Variants in CPNE4 observed in about 807,000 individuals in gnomAD.
The protein encoded by CPNE4 is copine 4.
Under a neutral mutation model 67.9 loss-of-function variants are expected in CPNE4, and 25 were observed. The observed-to-expected ratio is 0.37, with a 90% CI of 0.27 to 0.51. The LOEUF is 0.51. CPNE4 is among the 20% of genes least tolerant of loss of function. The probability of loss-of-function intolerance (pLI) is 0.93; values close to 1 mark genes in which losing one functional copy is unlikely to be tolerated. For missense variants in CPNE4, 464 were observed against 690.8 expected (o/e 0.67, Z 3.68); for synonymous variants, 242 against 244.9 (o/e 0.99, Z 0.11).
At chr3:131,789,072 A>G (rs2083644417) in intron 2 of CPNE4, among the ~76,000 whole-genome samples, 1 of 151,644 alleles carries the variant, frequency 6.6e-6, no homozygotes, top group African/African-American at 2.4e-5. Context: ...AGACTTTTAC[A>G]TAAGAGGCTA....
chr3:131,733,082 C>T lies in CPNE4; in HGVS notation c.181-9457G>A, dbSNP rs527635292. Among the ~76,000 whole-genome samples the T allele has an allele frequency of 4.6e-4, 70 of 152,342 alleles. 1 individual carries two copies. The South Asian group carries it at 9.5e-3, about 21-fold the overall frequency. On this transcript the variant is annotated intron_variant, in intron 2 of 15. Coordinates refer to ENST00000429747, the MANE Select transcript of CPNE4 (RefSeq NM_130808.3). Reference sequence around the variant, plus strand: ...ATATATTATGACTTACTGTTTTACACATGAGGAAACTTAGAACCAAAAAGG... The same window carrying T: ...ATATATTATGACTTACTGTTTTACATATGAGGAAACTTAGAACCAAAAAGG...
Position 132,034,743 on chromosome 3 carries a change from A to G in CPNE4, c.-178T>C. The G allele has an allele frequency of 1.0e-6, 1 of 984,866 alleles. No individual in the cohort carries two copies. Among genetic ancestry groups the G allele is most frequent in the Non-Finnish European group, 1.2e-6 (1 of 829,976 alleles). 61.0% of individuals were successfully genotyped at this position (984,866 alleles called of 1,614,324 possible). A position where few individuals can be genotyped will look rare whatever the true frequency, so the allele number is the denominator to read the frequency against. On this transcript the variant is annotated 5_prime_UTR_variant, in exon 1 of 16. Coordinates refer to ENST00000429747, the MANE Select transcript of CPNE4 (RefSeq NM_130808.3). The stretch of plus-strand genomic sequence containing the variant: ...CGTCCTCCGAGGTCAGTTTAGCAAC[A>G]GCGGCTGGGAAAGGTGCTGAGAGCA...
At chr3:131,630,303 G>A (rs1582922104) in intron 7 of CPNE4, among the ~76,000 whole-genome samples, 1 of 152,214 alleles carries the variant, frequency 6.6e-6, no homozygotes, top group Non-Finnish European at 1.5e-5. Context: ...CAAAGGGCAT[G>A]AGTAGTAATG....
At chr3:131,740,639 G>C (rs912033970) in intron 2 of CPNE4, among the ~76,000 whole-genome samples, 2 of 152,042 alleles carry the variant, frequency 1.3e-5, no homozygotes, top group East Asian at 1.9e-4. Context: ...GGATTATTAG[G>C]ATACTGTCTT....
rs58502463 is a variant in CPNE4, at chr3:131,792,925, G to GTGTGTATATCTATA, written c.181-69301_181-69300insTATAGATATACACA. ...TGTGTGTGTGTGTGTGTGTGTGTGT[G>GTGTGTATATCTATA]TATCTCCAACAAAACATGCCAAAAC... is the stretch of plus-strand genomic sequence containing the variant. On this transcript the variant is annotated intron_variant, in intron 2 of 15. Coordinates refer to ENST00000429747, the MANE Select transcript of CPNE4 (RefSeq NM_130808.3). Among the ~76,000 whole-genome samples, 287 of 135,226 alleles carry GTGTGTATATCTATA rather than the reference G, an allele frequency of 2.1e-3. 4 individuals carry two copies. The highest frequency in any genetic ancestry group is 7.1e-3 in the African/African-American group (249 of 34,988). 88.7% of individuals were successfully genotyped at this position (135,226 alleles called of 152,430 possible).
At chr3:131,598,850 C>CT (rs1214955366) in intron 7 of CPNE4, among the ~76,000 whole-genome samples, 2 of 100,174 alleles carry the variant, frequency 2.0e-5, no homozygotes, top group African/African-American at 1.5e-4. Context: ...TGTCCCCCCA[C>CT]CCCCCCGCCA....
intron 2 of CPNE4, among the ~76,000 whole-genome samples, chr3:131,726,989 G>A (rs534044075): frequency 9.2e-5 from 14 of 152,156 alleles, no homozygotes; most frequent in Non-Finnish European, 1.3e-4. Flanking sequence ...CCCTAATCGT[G>A]ATGACTGATA....
intron 1 of CPNE4, among the ~76,000 whole-genome samples, chr3:131,918,675 T>C (rs1264626234): frequency 6.6e-6 from 1 of 152,204 alleles, no homozygotes; most frequent in East Asian, 1.9e-4. Context: ...TGCTAATAGA[T>C]AATCTTAAAA....
At chr3:131,557,158 T>C (rs954875465) in intron 11 of CPNE4, among the ~76,000 whole-genome samples, 1 of 152,142 alleles carries the variant, frequency 6.6e-6, no homozygotes, top group Non-Finnish European at 1.5e-5. Flanking sequence ...TTTAATCGAA[T>C]AGTTGTGCTG....
At chr3:131,744,949 C>CA (rs1030362738) in intron 2 of CPNE4, among the ~76,000 whole-genome samples, 4 of 152,126 alleles carry the variant, frequency 2.6e-5, no homozygotes, top group African/African-American at 9.7e-5. Context: ...GATAAACGCC[C>CA]AAGTGTGCAA....
intron 2 of CPNE4, among the ~76,000 whole-genome samples, chr3:131,792,676 T>TAC: frequency 1.4e-5 from 1 of 71,334 alleles, no homozygotes; most frequent in Admixed American, 1.8e-4. Flanking sequence ...TATATACATA[T>TAC]ATACACACGT....
chr3:131,631,762 G>T (rs1256710959), intron 7 of CPNE4, among the ~76,000 whole-genome samples: 1 of 152,084 alleles, frequency 6.6e-6, no homozygotes, highest in East Asian at 1.9e-4. Context: ...TGTAGGAGGG[G>T]TTGCAGGAGG....
intron 1 of CPNE4, among the ~76,000 whole-genome samples, chr3:132,018,324 T>G (rs762916857): frequency 4.6e-5 from 7 of 152,106 alleles, no homozygotes; most frequent in Non-Finnish European, 7.4e-5. Flanking sequence ...GAGTCCATAG[T>G]TTTTAGCAGT....
intron 15 of CPNE4, among the ~76,000 whole-genome samples, chr3:131,536,884 A>T (rs1024220664): frequency 5.3e-5 from 8 of 152,240 alleles, no homozygotes; most frequent in Admixed American, 1.3e-4. Context: ...AAGGTTAGAA[A>T]GTCAAATCCT....
intron 1 of CPNE4, among the ~76,000 whole-genome samples, chr3:131,975,158 G>A (rs2072613341): frequency 6.6e-6 from 1 of 152,130 alleles, no homozygotes; most frequent in African/African-American, 2.4e-5. Context: ...AACCTATCCT[G>A]CAAGAGAGAA....
intron 1 of CPNE4, among the ~76,000 whole-genome samples, chr3:131,969,748 T>C (rs1196267557): frequency 6.6e-6 from 1 of 152,210 alleles, no homozygotes; most frequent in Non-Finnish European, 1.5e-5. Context: ...CTGTCCTCTC[T>C]AGTTCCTAAA....
intron 7 of CPNE4, among the ~76,000 whole-genome samples, chr3:131,659,948 G>T (rs1502674): frequency 6.8e-6 from 1 of 146,518 alleles, no homozygotes; most frequent in African/African-American, 2.8e-5. Context: ...CAGGAAGAAG[G>T]CTTTTTCTAA....
intron 2 of CPNE4, among the ~76,000 whole-genome samples, chr3:131,797,300 G>T (rs1353077132): frequency 6.6e-6 from 1 of 152,054 alleles, no homozygotes; most frequent in Non-Finnish European, 1.5e-5. Context: ...GTGGCTTCTG[G>T]GTAAAGGCAG....
chr3:132,036,990 G>T (rs6799891), upstream of CPNE4, among the ~76,000 whole-genome samples: 6,501 of 152,224 alleles, frequency 0.043, 489 homozygotes, highest in African/African-American at 0.15. Context: ...GGGTGTGGGC[G>T]GTTGAAATGA....
Sources: allele counts gnomAD v4.1 joint callset (sites outside exome capture counted in the v4.1 genomes callset), GRCh38; gene constraint gnomAD v4.1.1; transcripts MANE v1.5; gene names NCBI Gene and HGNC (gene_info 2026-07-23, HGNC 2026-07-21).